The following ADCY1 variants were observed in gnomAD, a reference collection of about 807,000 sequenced individuals.
ADCY1 encodes the protein adenylate cyclase 1, also known as adenylate cyclase type 1.
Under a neutral mutation model 105.4 loss-of-function variants are expected in ADCY1, and 28 were observed. That is an observed-to-expected ratio of 0.27 (90% CI 0.20 to 0.36). ADCY1 has a LOEUF of 0.36. Among genes scored for constraint, ADCY1 ranks in the 10% least tolerant of loss-of-function variants. The probability of loss-of-function intolerance (pLI) is 1.00; values close to 1 mark genes in which losing one functional copy is unlikely to be tolerated. For synonymous variants in ADCY1, 655 were observed against 623.8 expected (o/e 1.05, Z -0.75); for missense variants, 977 against 1,434.2 (o/e 0.68, Z 5.15).
At chr7:45,602,621 T>C (rs185722593) in intron 2 of ADCY1, among the ~76,000 whole-genome samples, 1 of 152,196 alleles carries the variant, frequency 6.6e-6, no homozygotes, top group Non-Finnish European at 1.5e-5. Flanking sequence ...GCAGTATGGA[T>C]TTTTAAATGG....
Position 45,592,877 on chromosome 7 carries a change from G to A in ADCY1, c.758G>A (p.Arg253Gln), listed in dbSNP as rs1562677845. The A allele has an allele frequency of 1.2e-6, 2 of 1,614,192 alleles. No homozygotes were observed. The highest frequency in any genetic ancestry group is 8.5e-7 in the Non-Finnish European group (1 of 1,180,030). ...CAGGCCCGGAGCTGCATTGAGGACCGACTGAGGCTGGAGGATGAGAACGAG... is the reference window on the plus strand; with the variant it reads ...CAGGCCCGGAGCTGCATTGAGGACCAACTGAGGCTGGAGGATGAGAACGAG... The part of the protein sequence containing the change: ...FLQARSCIED[R>Q]LRLEDENEKQ... The change falls in exon 2 of 20, where the codon CGA becomes CAA. Residue 253 changes from arginine to glutamine, a missense_variant. Physicochemically the swap from Arg to Gln is conservative, Grantham distance 43. Around this residue, in one of 7 missense-constraint regions of ADCY1, gnomAD observed 196 missense variants for 347.8 expected, o/e 0.56. Coordinates refer to ENST00000297323, the MANE Select transcript of ADCY1 (RefSeq NM_021116.4).
intron 5 of ADCY1, among the ~76,000 whole-genome samples, chr7:45,655,854 C>T (rs1254710659): frequency 6.6e-6 from 1 of 151,988 alleles, no homozygotes; most frequent in Non-Finnish European, 1.5e-5. Context: ...TGCACAAAAA[C>T]GTTATTAGTA....
chr7:45,631,203 A>G (rs1794239595), intron 4 of ADCY1, among the ~76,000 whole-genome samples: 1 of 152,250 alleles, frequency 6.6e-6, no homozygotes, highest in South Asian at 2.1e-4. Context: ...GAGACCCTCT[A>G]ACATAAAGAT....
chr7:45,688,598 A>G (rs1784732058), intron 14 of ADCY1, among the ~76,000 whole-genome samples: 1 of 152,230 alleles, frequency 6.6e-6, no homozygotes, highest in Non-Finnish European at 1.5e-5. Context: ...AGTGATGGAA[A>G]TTATGTTGTT....
At chr7:45,657,153 C>T (rs1696771011) in intron 5 of ADCY1, among the ~76,000 whole-genome samples, 1 of 152,252 alleles carries the variant, frequency 6.6e-6, no homozygotes, top group African/African-American at 2.4e-5. Flanking sequence ...ACCAGCTTCT[C>T]ATGTCTGGAT....
At chr7:45,641,488 G>T (rs1405614912) in intron 4 of ADCY1, among the ~76,000 whole-genome samples, 1 of 151,984 alleles carries the variant, frequency 6.6e-6, no homozygotes, top group Non-Finnish European at 1.5e-5. Context: ...ACATCATCTC[G>T]CTGCCTCCAT....
At chr7:45,685,911 G>A (rs1400286890) in intron 12 of ADCY1, 51 bp from the exon 13 acceptor site, 2 of 1,568,404 alleles carry the variant, frequency 1.3e-6, no homozygotes, top group East Asian at 2.2e-5. Flanking sequence ...CTTAGGGGCT[G>A]CAGGTCTTCA....
intron 3 of ADCY1, among the ~76,000 whole-genome samples, chr7:45,615,309 A>C (rs1396456327): frequency 6.6e-6 from 1 of 151,964 alleles, no homozygotes; most frequent in East Asian, 1.9e-4. Context: ...ATTAGAAAAT[A>C]CCTCCAGGCT....
chr7:45,626,404 G>T (rs778833923), intron 4 of ADCY1, among the ~76,000 whole-genome samples: 14 of 152,306 alleles, frequency 9.2e-5, no homozygotes, highest in Non-Finnish European at 1.3e-4. Flanking sequence ...TGTCCTGGGA[G>T]TCAGCCCCGT....
chr7:45,632,738 AT>A (rs200612961), intron 4 of ADCY1, among the ~76,000 whole-genome samples: 2,928 of 145,976 alleles, frequency 0.02, 78 homozygotes, highest in South Asian at 0.13. Flanking sequence ...TAATTTTTAA[AT>A]TTTTTTTTTT....
chr7:45,644,855 A>G (rs183582234), intron 4 of ADCY1, among the ~76,000 whole-genome samples: 1 of 152,344 alleles, frequency 6.6e-6, no homozygotes, highest in African/African-American at 2.4e-5. Context: ...GAGATTAAAG[A>G]CAAAATAAAG....
intron 2 of ADCY1, among the ~76,000 whole-genome samples, chr7:45,593,948 G>A (rs1314780333): frequency 6.6e-6 from 1 of 152,214 alleles, no homozygotes; most frequent in African/African-American, 2.4e-5. Flanking sequence ...TGTGGGCAGT[G>A]GTATGTGTCT....
Position 45,582,106 on chromosome 7 carries a change from A to G in ADCY1, c.639+6924A>G, listed in dbSNP as rs113737768. Among the ~76,000 whole-genome samples the G allele has an allele frequency of 6.6e-3, 1,009 of 152,176 alleles. 12 individuals carry two copies. Among genetic ancestry groups the G allele is most frequent in the African/African-American group, 0.023 (973 of 41,548 alleles). On this transcript the variant is annotated intron_variant, in intron 1 of 19. Coordinates refer to ENST00000297323, the MANE Select transcript of ADCY1 (RefSeq NM_021116.4). ...TACATGCATGCTCACCCACTTATAG[A>G]TTCACACACTCACAAAGCAATGCAC...
Position 45,677,335 on chromosome 7 carries a change from T to C in ADCY1, c.1606-534T>C, listed in dbSNP as rs549302439. ...CATGGCAAGTGGTTTTAAATTAGAC[T>C]CTATTTTCCTTTTGGCAAATGGGTG... On this transcript the variant is annotated intron_variant, in intron 8 of 19. Coordinates refer to ENST00000297323, the MANE Select transcript of ADCY1 (RefSeq NM_021116.4). Among the ~76,000 whole-genome samples, 143 of 152,338 alleles carry C rather than the reference T, an allele frequency of 9.4e-4. No homozygotes were observed. In the South Asian group the frequency reaches 0.029, roughly 31 times the overall value.
rs6946621 is a variant in ADCY1 at position 45,648,976 on chromosome 7, A to G, written c.1148+179A>G. Among the ~76,000 whole-genome samples, 13,938 of 152,244 alleles carry G rather than the reference A, an allele frequency of 0.092. 775 individuals are homozygous for G. The highest frequency in any genetic ancestry group is 0.16 in the African/African-American group (6,519 of 41,526). Reference sequence around the variant, plus strand: ...ATTAGGAGGATGCTGGGTTCAGGAAAGCATGAAAGGATGCTTCCGTGATTC... The same window carrying G: ...ATTAGGAGGATGCTGGGTTCAGGAAGGCATGAAAGGATGCTTCCGTGATTC... On this transcript the variant is annotated intron_variant, in intron 5 of 19. Transcript: ENST00000297323.
In ADCY1 at chr7:45,718,553, A is replaced by G. The variant is rs1031761804; in HGVS notation, c.*4558A>G. 1 of 152,204 alleles carries G rather than the reference A, an allele frequency of 6.6e-6. No individual in the cohort carries two copies. The highest frequency in any genetic ancestry group is 1.9e-4 in the East Asian group (1 of 5,184). 9.4% of individuals were successfully genotyped at this position (152,204 alleles called of 1,614,324 possible). A position where few individuals can be genotyped will look rare whatever the true frequency, so the allele number is the denominator to read the frequency against. On this transcript the variant is annotated 3_prime_UTR_variant, in exon 20 of 20. Transcript: ENST00000297323. ...TCGAGGAACTCACATACCCCAAATA[A>G]CCATCAGTGCACAAATCATTCCATG...
chr7:45,705,236 C>T (rs1785092353), intron 17 of ADCY1, among the ~76,000 whole-genome samples: 1 of 152,066 alleles, frequency 6.6e-6, no homozygotes, highest in South Asian at 2.1e-4. Flanking sequence ...GCCAGCATTA[C>T]CTGAATACCA....
chr7:45,594,564 G>A (rs1411784466), intron 2 of ADCY1, among the ~76,000 whole-genome samples: 1 of 151,870 alleles, frequency 6.6e-6, no homozygotes, highest in African/African-American at 2.4e-5. Flanking sequence ...TCCTACTTCT[G>A]TGTTGGTCTT....
chr7:45,704,543 A>G lies in ADCY1; in HGVS notation c.2744A>G (p.Asp915Gly). 1 of 1,614,218 alleles carries G rather than the reference A, an allele frequency of 6.2e-7. No individual in the cohort carries two copies. Among genetic ancestry groups the G allele is most frequent in the Non-Finnish European group, 8.5e-7 (1 of 1,180,012 alleles). Residue 915 changes from aspartate to glycine, a missense_variant, in exon 17 of 20, where the codon GAC (aspartate) becomes GGC (glycine). Physicochemically the swap from Asp to Gly is moderately conservative, Grantham distance 94. Around this residue, in one of 7 missense-constraint regions of ADCY1, gnomAD observed 152 missense variants for 293.7 expected, o/e 0.52. Coordinates refer to ENST00000297323, the MANE Select transcript of ADCY1 (RefSeq NM_021116.4). The part of the protein sequence containing the change: ...DELMEKDFYK[D>G]IEKIKTIGST... ...CTCATGGAAAAAGACTTTTACAAGG[A>G]CATAGAGAAGATCAAGACCATCGGG... is the stretch of plus-strand genomic sequence containing the variant.
Sources: gnomAD v4.1 joint callset for allele counts (sites outside exome capture counted in the v4.1 genomes callset) on GRCh38, gnomAD v4.1.1 for gene constraint, gnomAD v4.1.1 regional missense constraint, MANE v1.5 for transcripts, NCBI Gene and HGNC (gene_info 2026-07-23, HGNC 2026-07-21) for gene names.